Variants in ZNF200 observed in about 807,000 individuals in gnomAD.
ZNF200 encodes the protein zinc finger protein 200.
In ZNF200, 35 loss-of-function variants were observed where a neutral mutation model predicts 33.6. The ratio of observed to expected loss-of-function variants is 1.04; its 90% CI spans 0.80 to 1.38. ZNF200 has a LOEUF of 1.38. Ranked by LOEUF, ZNF200 falls within the 40% of genes most tolerant of loss-of-function variation. The pLI, the probability that ZNF200 is intolerant of heterozygous loss-of-function variation, is 0.00. For synonymous variants in ZNF200, 209 were observed against 167.7 expected (o/e 1.25, Z -1.90); for missense variants, 592 against 470.6 (o/e 1.26, Z -2.39).
At chr16:3,228,669 A>G (rs1014248676) in intron 4 of ZNF200, among the ~76,000 whole-genome samples, 3 of 151,542 alleles carry the variant, frequency 2.0e-5, no homozygotes, top group Non-Finnish European at 4.4e-5. Context: ...TAACTTTTGT[A>G]TATTTTTTTT....
chr16:3,232,852 T>C lies in ZNF200; in HGVS notation c.320A>G (p.Tyr107Cys), dbSNP rs1454763825. 3.1e-6 allele frequency: 5 copies of C among 1,613,720 alleles called. No individual in the cohort carries two copies. In the Admixed American group the frequency reaches 5.0e-5, roughly 16 times the overall value. Residue 107 changes from tyrosine to cysteine, a missense_variant, in exon 3 of 5, where the codon TAT (tyrosine) becomes TGT (cysteine). Coordinates refer to ENST00000414144, the MANE Select transcript of ZNF200 (RefSeq NM_198088.3). ...ACCCACCTCAGGGTTAGCTTTCAAA[T>C]ACAGAGACACTGTCTCTTGTTCCTT... is the stretch of plus-strand genomic sequence containing the variant. Reference protein sequence around the residue: ...VQKEQETVSLYLKANPEELVV... With the variant: ...VQKEQETVSLCLKANPEELVV...
rs1958661970 is a variant in ZNF200, at chr16:3,232,519, A to G, written c.368T>C (p.Val123Ala). 6 of 1,614,046 alleles carry G rather than the reference A, an allele frequency of 3.7e-6. No homozygotes were observed. The highest frequency in any genetic ancestry group is 5.1e-6 in the Non-Finnish European group (6 of 1,180,010). Residue 123 changes from valine to alanine, a missense_variant, in exon 4 of 5, where the codon GTA becomes GCA. Coordinates refer to ENST00000414144, the MANE Select transcript of ZNF200 (RefSeq NM_198088.3). ...EELVVFEDLN[V>A]FHCQEECVSL... ...CACACATTCTTCCTGGCAGTGAAAT[A>G]CATTCAAATCCTCAAAGACCACCAG... is the stretch of plus-strand genomic sequence containing the variant.
chr16:3,229,309 G>A (rs1451769783), intron 4 of ZNF200, among the ~76,000 whole-genome samples: 1 of 151,940 alleles, frequency 6.6e-6, no homozygotes, highest in Non-Finnish European at 1.5e-5. Context: ...GTAAAAACAT[G>A]TATTAATTTA....
At chr16:3,230,103 CT>C (rs1958596098) in intron 4 of ZNF200, among the ~76,000 whole-genome samples, 1 of 152,186 alleles carries the variant, frequency 6.6e-6, no homozygotes, top group Non-Finnish European at 1.5e-5. Context: ...AGCCTGGCAC[CT>C]TCCTACTCTC....
chr16:3,227,785 A>T (rs1958510313), intron 4 of ZNF200: 2 of 152,342 alleles, frequency 1.3e-5, no homozygotes, highest in Middle Eastern at 3.4e-3. Flanking sequence ...GAGTCAATTA[A>T]ACCTGTTTCC....
chr16:3,233,953 G>C, intron 1 of ZNF200, 117 bp from the exon 2 acceptor site: 1 of 712,754 alleles, frequency 1.4e-6, no homozygotes, highest in Non-Finnish European at 2.1e-6. Flanking sequence ...AGCTGGGATA[G>C]GGAAATCATA....
rs767687244 is a variant in ZNF200, at chr16:3,224,279, G to C, written c.801C>G (p.Leu267=). The change falls in exon 5 of 5, where the codon CTC becomes CTG. Residue 267 remains leucine, a synonymous_variant. Coordinates refer to ENST00000414144, the MANE Select transcript of ZNF200 (RefSeq NM_198088.3). ...CGKQFNESSY[L]ISHQRTHTGE... is the part of the protein sequence containing the mutation. ...CAGTGTGGGTCCTCTGGTGGGAAATGAGGTAAGAACTTTCATTAAACTGTT... is the reference window on the plus strand; with the variant it reads ...CAGTGTGGGTCCTCTGGTGGGAAATCAGGTAAGAACTTTCATTAAACTGTT... 2 of 1,614,138 alleles carry C rather than the reference G, an allele frequency of 1.2e-6. No individual in the cohort carries two copies. Among genetic ancestry groups the C allele is most frequent in the Non-Finnish European group, 1.7e-6 (2 of 1,180,030 alleles).
chr16:3,227,453 T>C (rs996867807), intron 4 of ZNF200: 1 of 152,274 alleles, frequency 6.6e-6, no homozygotes, highest in Non-Finnish European at 1.5e-5. Context: ...ATCAAGTGGC[T>C]GTCAGTCGTC....
At position 3,224,502 on chromosome 16, in the gene ZNF200, G is replaced by A. The variant is rs752054883; in HGVS notation, c.578C>T (p.Ser193Phe). The A allele has an allele frequency of 6.2e-6, 10 of 1,614,212 alleles. No homozygotes were observed. In the Admixed American group the frequency reaches 1.7e-4, roughly 27 times the overall value. Residue 193 changes from serine to phenylalanine, a missense_variant, in exon 5 of 5, where the codon TCT becomes TTT. Physicochemically the swap from Ser to Phe is radical, Grantham distance 155. Coordinates refer to ENST00000414144, the MANE Select transcript of ZNF200 (RefSeq NM_198088.3). ...TTCCTGGTTATCGGGAGGCTGCTGA[G>A]AGACCAAGGAAGAATCCATTTCATC... ...DDDEMDSSLVSQQPPDNQEKE... is the reference protein window; with the variant it reads ...DDDEMDSSLVFQQPPDNQEKE...
intron 4 of ZNF200, among the ~76,000 whole-genome samples, chr16:3,230,750 T>G (rs922973088): frequency 6.6e-6 from 1 of 152,182 alleles, no homozygotes; most frequent in Non-Finnish European, 1.5e-5. Context: ...AATCCCTATA[T>G]CCTCACATCT....
At chr16:3,231,002 C>T (rs756521661) in intron 4 of ZNF200, among the ~76,000 whole-genome samples, 52 of 152,186 alleles carry the variant, frequency 3.4e-4, no homozygotes, top group Admixed American at 1.3e-4. Context: ...ATAACATCTT[C>T]GTAACCTGAT....
intron 4 of ZNF200, 35 bp from the exon 5 acceptor site, chr16:3,224,648 G>C: frequency 6.5e-7 from 1 of 1,543,720 alleles, no homozygotes; most frequent in Non-Finnish European, 8.7e-7. Flanking sequence ...ACTTCTGAGA[G>C]ATATCACAAC....
At chr16:3,232,687 A>C (rs536993738) in intron 3 of ZNF200, 140 bp from the exon 4 acceptor site, 1 of 1,431,612 alleles carries the variant, frequency 7.0e-7, no homozygotes, top group East Asian at 2.3e-5. Context: ...CAGCAAAGAC[A>C]GGACAGCCAG....
chr16:3,235,153 G>A lies in ZNF200; in HGVS notation c.-248C>T, dbSNP rs897319801. 1.3e-5 allele frequency: 2 copies of A among 152,236 alleles called. No individual in the cohort carries two copies. The highest frequency in any genetic ancestry group is 4.8e-5 in the African/African-American group (2 of 41,470). The allele number at this position is 152,236 out of a possible 1,614,324, so 9.4% of individuals were successfully genotyped here. A position where few individuals can be genotyped will look rare whatever the true frequency, so the allele number is the denominator to read the frequency against. On this transcript the variant is annotated 5_prime_UTR_variant, in exon 1 of 5. Transcript: ENST00000414144. ...TTCGTTCGCGCCGCCGCCAGTTGAG[G>A]AGAACGGCAGGGACTCGGTGCCTTC... is the stretch of plus-strand genomic sequence containing the variant.
chr16:3,224,246 T>C lies in ZNF200; in HGVS notation c.834A>G (p.Lys278=). 1 of 1,614,070 alleles carries C rather than the reference T, an allele frequency of 6.2e-7. No homozygotes were observed. Among genetic ancestry groups the C allele is most frequent in the Non-Finnish European group, 8.5e-7 (1 of 1,180,012 alleles). ...ISHQRTHTGE[K]PYDCNHCGKS... ...TCCCACAGTGATTACAGTCATAGGG[T>C]TTTTCTCCAGTGTGGGTCCTCTGGT... The change falls in exon 5 of 5, where the codon AAA becomes AAG. Residue 278 remains lysine, a synonymous_variant. Coordinates refer to ENST00000414144, the MANE Select transcript of ZNF200 (RefSeq NM_198088.3).
At position 3,224,182 on chromosome 16, in the gene ZNF200, G is replaced by T; in HGVS notation, c.898C>A (p.Arg300=). ...NHKTNLNKHE[R]IHTGEKPYSC... ...TAAGGTTTCTCTCCTGTATGAATTC[G>T]CTCATGTTTATTGAGGTTTGTTTTA... Residue 300 remains arginine (R), a synonymous_variant, in exon 5 of 5, where the codon CGA becomes AGA. Coordinates refer to ENST00000414144, the MANE Select transcript of ZNF200 (RefSeq NM_198088.3). 1 of 1,614,110 alleles carries T rather than the reference G, an allele frequency of 6.2e-7. No individual in the cohort carries two copies.
Position 3,223,879 on chromosome 16 carries a change from A to G in ZNF200, c.*13T>C, listed in dbSNP as rs1958393180. ...TGAGGCAGCACCATCAGACCCAGAA[A>G]GGGTTCCCAGTATTACTTCTGCTTT... On this transcript the variant is annotated 3_prime_UTR_variant, in exon 5 of 5. Transcript: ENST00000414144. 1 of 1,592,912 alleles carries G rather than the reference A, an allele frequency of 6.3e-7. No homozygotes were observed. Among genetic ancestry groups the G allele is most frequent in the South Asian group, 1.1e-5 (1 of 88,128 alleles).
intron 2 of ZNF200, 90 bp from the exon 3 acceptor site, chr16:3,233,011 C>CT: frequency 8.7e-7 from 1 of 1,151,540 alleles, no homozygotes; most frequent in Non-Finnish European, 1.3e-6. Flanking sequence ...GTCCTCATTC[C>CT]TTTGACAGGT....
rs534382852 is a variant in ZNF200 at position 3,229,921 on chromosome 16, AAAAT to A, written c.466+2496_466+2499del. On this transcript the variant is annotated intron_variant, in intron 4 of 4. Coordinates refer to ENST00000414144, the MANE Select transcript of ZNF200 (RefSeq NM_198088.3). Reference sequence around the variant, plus strand: ...AACAAGAGCGAAACTCTGTCTCAAAAAAATAAATAAATAAATAAAGACAGAGAAA... The same window carrying A: ...AACAAGAGCGAAACTCTGTCTCAAAAAAATAAATAAATAAAGACAGAGAAA... Among the ~76,000 whole-genome samples, 132 of 152,326 alleles carry A rather than the reference AAAAT, an allele frequency of 8.7e-4. 3 individuals carry two copies. Among genetic ancestry groups the A allele is most frequent in the South Asian group, 7.7e-3 (37 of 4,830 alleles).
Sources: gnomAD v4.1 joint callset for allele counts (sites outside exome capture counted in the v4.1 genomes callset) on GRCh38, gnomAD v4.1.1 for gene constraint, MANE v1.5 for transcripts, NCBI Gene and HGNC (gene_info 2026-07-23, HGNC 2026-07-21) for gene names.